The following METTL21A variants were observed in gnomAD, a reference collection of about 807,000 sequenced individuals.
METTL21A encodes protein N-lysine methyltransferase METTL21A.
Under a neutral mutation model 20.9 loss-of-function variants are expected in METTL21A, and 22 were observed. That is an observed-to-expected ratio of 1.05 (90% CI 0.75 to 1.50). The LOEUF (loss-of-function observed/expected upper bound fraction) is 1.50, where lower values mean the gene tolerates loss of function less well. Among genes scored for constraint, METTL21A ranks in the 40% most tolerant of loss-of-function variants. The pLI, the probability that METTL21A is intolerant of heterozygous loss-of-function variation, is 0.00. For missense variants in METTL21A, 271 were observed against 266.8 expected, an observed-to-expected ratio of 1.02 and a Z score of -0.11; for synonymous variants, 93 against 102.0, an observed-to-expected ratio of 0.91 and a Z score of 0.53.
At chr2:207,597,523 G>C (rs999812231) in intron 3 of METTL21A, 4 of 217,684 alleles carry the variant, frequency 1.8e-5, no homozygotes, top group African/African-American at 9.0e-5. Flanking sequence ...TTGCCAAATT[G>C]ACATGTTGTC....
At chr2:207,599,082 T>C (rs1393865380) in intron 3 of METTL21A, 5 of 189,930 alleles carry the variant, frequency 2.6e-5, no homozygotes, top group Non-Finnish European at 5.5e-5. Flanking sequence ...TTTTCAAGGA[T>C]GAACAGAGTT....
In METTL21A at chr2:207,624,419, A is replaced by C; in HGVS notation, c.-29-15T>G. ...TCTGCTCAGACCTGCCGTGCAAAAG[A>C]ATCCTGGGTGACGCTCTGGCCAAAA... On this transcript the variant is annotated splice_polypyrimidine_tract_variant and intron_variant, in intron 1 of 3. Transcript: ENST00000406927. 1 of 1,581,452 alleles carries C rather than the reference A, an allele frequency of 6.3e-7. No homozygotes were observed. Among genetic ancestry groups the C allele is most frequent in the Non-Finnish European group, 8.6e-7 (1 of 1,166,530 alleles).
At chr2:207,585,670 A>G (rs2083693865) in intron 3 of METTL21A, among the ~76,000 whole-genome samples, 1 of 152,226 alleles carries the variant, frequency 6.6e-6, no homozygotes, top group Non-Finnish European at 1.5e-5. Context: ...ACAGATAGAC[A>G]ATACAAATAA....
intron 3 of METTL21A, among the ~76,000 whole-genome samples, chr2:207,592,338 C>T (rs1302292552): frequency 1.3e-5 from 2 of 152,146 alleles, no homozygotes; most frequent in Admixed American, 6.5e-5. Flanking sequence ...ACCCGGGAGG[C>T]AGAGGTTGCA....
Position 207,614,380 on chromosome 2 carries a change from CAAA to C in METTL21A, c.260-940_260-938del, listed in dbSNP as rs11287948. On this transcript the variant is annotated intron_variant, in intron 3 of 3. Transcript: ENST00000406927. ...TGGGCAACAGAGCAACACCCAGTCT[CAAA>C]AAAAAAAAAAATATCTGGGAGCAGA... Among the ~76,000 whole-genome samples, 857 of 148,114 alleles carry C rather than the reference CAAA, an allele frequency of 5.8e-3. 3 individuals are homozygous for C. Among genetic ancestry groups the C allele is most frequent in the Non-Finnish European group, 8.9e-3 (593 of 66,516 alleles).
At chr2:207,584,708 A>G (rs1301571981) in intron 3 of METTL21A, among the ~76,000 whole-genome samples, 1 of 152,106 alleles carries the variant, frequency 6.6e-6, no homozygotes, top group East Asian at 1.9e-4. Flanking sequence ...AGCCTTCATT[A>G]GTGACTTTTA....
intron 3 of METTL21A, among the ~76,000 whole-genome samples, chr2:207,588,843 A>G (rs1279358027): frequency 7.2e-6 from 1 of 139,570 alleles, no homozygotes; most frequent in Non-Finnish European, 1.5e-5. Context: ...TTTACCTTTT[A>G]TCCTATGACC....
intron 3 of METTL21A, among the ~76,000 whole-genome samples, chr2:207,587,121 T>C (rs1213999629): frequency 1.3e-5 from 2 of 151,902 alleles, no homozygotes; most frequent in Admixed American, 6.5e-5. Flanking sequence ...GGGCCAGGCG[T>C]GGTGGCTCAC....
chr2:207,581,657 T>A, downstream of METTL21A: 1 of 454,608 alleles, frequency 2.2e-6, no homozygotes. Flanking sequence ...AAATACAGAG[T>A]TCCGGATACC....
chr2:207,616,974 T>A (rs1421105584), intron 3 of METTL21A, among the ~76,000 whole-genome samples: 2 of 151,848 alleles, frequency 1.3e-5, no homozygotes, highest in African/African-American at 2.4e-5. Context: ...AGGCAGGGAG[T>A]CGGTGTCAAC....
At chr2:207,586,791 A>G (rs1465062666) in intron 3 of METTL21A, among the ~76,000 whole-genome samples, 1 of 152,258 alleles carries the variant, frequency 6.6e-6, no homozygotes, top group African/African-American at 2.4e-5. Flanking sequence ...GCCAAGAAAT[A>G]TATTTGAAAA....
At chr2:207,582,038 A>T in exon 4 of METTL21A, 1 of 699,674 alleles carries the variant, frequency 1.4e-6, no homozygotes, top group East Asian at 2.7e-5. Context: ...GAGCACATAC[A>T]TAATTGGCGA....
intron 3 of METTL21A, among the ~76,000 whole-genome samples, chr2:207,603,773 C>G (rs2087556383): frequency 6.6e-6 from 1 of 152,106 alleles, no homozygotes; most frequent in South Asian, 2.1e-4. Context: ...GGTCCCCTTG[C>G]AATTCTAAAA....
intron 3 of METTL21A, among the ~76,000 whole-genome samples, chr2:207,590,084 T>C (rs1192126393): frequency 2.0e-4 from 1 of 5,096 alleles, no homozygotes; most frequent in Non-Finnish European, 3.7e-4. Context: ...TTTTGAGAAG[T>C]TTTTTTTTTT....
In METTL21A at chr2:207,624,269, T is replaced by A. The variant is rs200297143; in HGVS notation, c.107A>T (p.Asp36Val). ...CGCTGCGACTCCCAGGTGTCTCCAG[T>A]CCTGCCGGATCTGGATCGTGTGGTT... Residue 36 changes from aspartate (D) to valine (V), a missense_variant, in exon 2 of 4, where the codon GAC (aspartate) becomes GTC (valine). Coordinates refer to ENST00000406927, the Ensembl canonical transcript of METTL21A. 62 of 1,613,432 alleles carry A rather than the reference T, an allele frequency of 3.8e-5. No individual in the cohort carries two copies. The East Asian group carries it at 1.4e-3, about 35-fold the overall frequency.
At chr2:207,584,228 T>A (rs1336696461) in intron 3 of METTL21A, among the ~76,000 whole-genome samples, 3 of 152,224 alleles carry the variant, frequency 2.0e-5, no homozygotes, top group African/African-American at 7.2e-5. Flanking sequence ...TTAAATAAAC[T>A]GTCCAATTGT....
intron 3 of METTL21A, chr2:207,603,185 TG>T (rs1432422848): frequency 1.4e-5 from 3 of 213,906 alleles, no homozygotes; most frequent in Non-Finnish European, 2.8e-5. Flanking sequence ...TAAATCTTTT[TG>T]TGCTTTATGT....
At chr2:207,625,282 C>T (rs1176634977) in exon 1 of METTL21A, 1 of 152,112 alleles carries the variant, frequency 6.6e-6, no homozygotes, top group Non-Finnish European at 1.5e-5. Flanking sequence ...GAGGCGGTCC[C>T]GCGTGGAGCG....
At chr2:207,598,176 A>C (rs1375803777) in intron 3 of METTL21A, 1 of 181,302 alleles carries the variant, frequency 5.5e-6, no homozygotes, top group Non-Finnish European at 1.2e-5. Flanking sequence ...AAATGAAAGA[A>C]GTTGTAAGGA....
Sources: allele counts gnomAD v4.1 joint callset (sites outside exome capture counted in the v4.1 genomes callset), GRCh38; gene constraint gnomAD v4.1.1; transcripts MANE v1.5; gene names NCBI Gene and HGNC (gene_info 2026-07-23, HGNC 2026-07-21).